Variants in FRMD4B observed in about 807,000 individuals in gnomAD.
FRMD4B encodes the protein FERM domain containing 4B, also known as FERM domain-containing protein 4B.
Under a neutral mutation model 141.5 loss-of-function variants are expected in FRMD4B, and 74 were observed. The ratio of observed to expected loss-of-function variants is 0.52; its 90% CI spans 0.43 to 0.63. The LOEUF is 0.63. Ranked by LOEUF, FRMD4B falls within the 30% of genes least tolerant of loss-of-function variation. FRMD4B has a pLI of 0.00. For missense variants in FRMD4B, 1,366 were observed against 1,253.4 expected, an observed-to-expected ratio of 1.09 and a Z score of -1.36; for synonymous variants, 506 against 467.9, an observed-to-expected ratio of 1.08 and a Z score of -1.05.
rs1202165266 is a variant in FRMD4B at position 69,497,847 on chromosome 3, A to C, written c.-129+44359T>G. ...GTGATCCTTCCACCTCAGCCTCCTG[A>C]GTATCTGGGACTACAGGCACATGCC... On this transcript the variant is annotated intron_variant, in intron 1 of 5. Transcript: ENST00000459638. Among the ~76,000 whole-genome samples, 5 of 152,142 alleles carry C rather than the reference A, an allele frequency of 3.3e-5. No individual in the cohort carries two copies. In the East Asian group the frequency reaches 9.7e-4, roughly 29 times the overall value.
At chr3:69,172,043 GACT>G in intron 22 of FRMD4B, 62 bp from the exon 23 acceptor site, 1 of 1,514,616 alleles carries the variant, frequency 6.6e-7, no homozygotes, top group Non-Finnish European at 9.1e-7. Flanking sequence ...ACAGCACAAA[GACT>G]ACTACATTTA....
At chr3:69,304,842 A>G (rs188532303) in intron 3 of FRMD4B, among the ~76,000 whole-genome samples, 17 of 152,334 alleles carry the variant, frequency 1.1e-4, no homozygotes, top group African/African-American at 4.1e-4. Context: ...AATAAAATAT[A>G]TAATGGGCCA....
chr3:69,409,697 A>G (rs1559519402), intron 2 of FRMD4B, among the ~76,000 whole-genome samples: 1 of 152,158 alleles, frequency 6.6e-6, no homozygotes, highest in African/African-American at 2.4e-5. Context: ...AACAGAGGGA[A>G]TCTCAGGGCT....
In FRMD4B at chr3:69,506,040, T is replaced by C. The variant is rs537806969; in HGVS notation, c.-129+36166A>G. ...AAAATATTCGCTGAATGCTGGTGAATAGGATGGCTTATGGTGCCCTCACCT... is the reference window on the plus strand; with the variant it reads ...AAAATATTCGCTGAATGCTGGTGAACAGGATGGCTTATGGTGCCCTCACCT... On this transcript the variant is annotated intron_variant, in intron 1 of 5. Coordinates refer to the FRMD4B transcript ENST00000459638. 1.4e-4 allele frequency among the ~76,000 whole-genome samples: 22 copies of C among 152,284 alleles called. No individual in the cohort carries two copies. The South Asian group carries it at 3.9e-3, about 27-fold the overall frequency.
chr3:69,426,568 T>C (rs370446555), intron 2 of FRMD4B, among the ~76,000 whole-genome samples: 26 of 152,316 alleles, frequency 1.7e-4, no homozygotes, highest in African/African-American at 5.8e-4. Flanking sequence ...ATGTCTGTCC[T>C]GGCAGAGGAA....
intron 4 of FRMD4B, among the ~76,000 whole-genome samples, chr3:69,294,931 C>A (rs1163109753): frequency 1.3e-5 from 2 of 152,160 alleles, no homozygotes; most frequent in Admixed American, 1.3e-4. Context: ...TCACCCAGTG[C>A]AAAGGGGAAT....
At chr3:69,459,905 G>A (rs946437589) in intron 1 of FRMD4B, among the ~76,000 whole-genome samples, 2 of 152,078 alleles carry the variant, frequency 1.3e-5, no homozygotes, top group Admixed American at 1.3e-4. Context: ...TATTTAATTA[G>A]TTATCCATTA....
At chr3:69,536,727 G>T in intron 1 of FRMD4B, 1 of 631,324 alleles carries the variant, frequency 1.6e-6, no homozygotes, top group South Asian at 1.7e-5. Context: ...TTATGGTAAG[G>T]ACTTCCTCAG....
intron 1 of FRMD4B, among the ~76,000 whole-genome samples, chr3:69,455,271 G>A (rs1001780062): frequency 3.3e-5 from 5 of 152,236 alleles, no homozygotes; most frequent in Admixed American, 1.3e-4. Context: ...CCACAGCAGT[G>A]ATAGGTTCAG....
At chr3:69,281,445 A>C (rs940961957) in intron 5 of FRMD4B, among the ~76,000 whole-genome samples, 3 of 152,170 alleles carry the variant, frequency 2.0e-5, no homozygotes, top group Non-Finnish European at 4.4e-5. Flanking sequence ...CTTCTTGGGA[A>C]ACAAGTGTTA....
In FRMD4B at chr3:69,395,450, T is replaced by A. The variant is rs561990124; in HGVS notation, c.-1+37184A>T. 3.9e-4 allele frequency among the ~76,000 whole-genome samples: 59 copies of A among 152,276 alleles called. No homozygotes were observed. The South Asian group carries it at 5.8e-3, about 15-fold the overall frequency. On this transcript the variant is annotated intron_variant, in intron 2 of 5. Coordinates refer to the FRMD4B transcript ENST00000459638. ...CAGTGGCTTGCAAAGTATTAAAATA[T>A]CTCAAGGCCGGGTATACTCTGACCA...
chr3:69,517,011 T>C (rs1460247318), intron 1 of FRMD4B, among the ~76,000 whole-genome samples: 1 of 152,168 alleles, frequency 6.6e-6, no homozygotes, highest in Non-Finnish European at 1.5e-5. Flanking sequence ...TTACTGCACA[T>C]TAACCCATTA....
chr3:69,497,611 G>T (rs1189285628), intron 1 of FRMD4B, among the ~76,000 whole-genome samples: 2 of 152,098 alleles, frequency 1.3e-5, no homozygotes, highest in Non-Finnish European at 2.9e-5. Flanking sequence ...CTTCCCCATG[G>T]GATTTTTGTG....
chr3:69,347,956 A>G (rs1427405367), intron 1 of FRMD4B, among the ~76,000 whole-genome samples: 3 of 152,248 alleles, frequency 2.0e-5, no homozygotes, highest in African/African-American at 7.2e-5. Flanking sequence ...TTCAAAAGCT[A>G]GCAGAAGGCA....
chr3:69,471,737 T>C (rs10510980), intron 1 of FRMD4B: 32,758 of 157,200 alleles, frequency 0.21, 3,731 homozygotes, highest in East Asian at 0.41. Context: ...TTGAGTACTT[T>C]TTAGACAAAT....
intron 1 of FRMD4B, among the ~76,000 whole-genome samples, chr3:69,487,146 A>G (rs968396688): frequency 1.4e-4 from 21 of 152,134 alleles, no homozygotes; most frequent in Admixed American, 1.2e-3. Flanking sequence ...AATCTCCACC[A>G]CCTGTACTTG....
At chr3:69,229,440 T>A (rs2093285180) in intron 7 of FRMD4B, among the ~76,000 whole-genome samples, 1 of 152,178 alleles carries the variant, frequency 6.6e-6, no homozygotes, top group Admixed American at 6.5e-5. Flanking sequence ...CCCTTGTGAA[T>A]ATATAACATC....
intron 1 of FRMD4B, among the ~76,000 whole-genome samples, chr3:69,373,724 A>C (rs1703892889): frequency 6.6e-6 from 1 of 152,000 alleles, no homozygotes; most frequent in Admixed American, 6.6e-5. Context: ...AAAATACAAA[A>C]AATTGCTGGG....
chr3:69,337,517 G>A (rs1305981579), intron 1 of FRMD4B, among the ~76,000 whole-genome samples: 1 of 152,124 alleles, frequency 6.6e-6, no homozygotes, highest in Non-Finnish European at 1.5e-5. Flanking sequence ...GAGTGAACAG[G>A]CAACCTACAG....
Sources: gnomAD v4.1 joint callset for allele counts (sites outside exome capture counted in the v4.1 genomes callset) on GRCh38, gnomAD v4.1.1 for gene constraint, MANE v1.5 for transcripts, NCBI Gene and HGNC (gene_info 2026-07-23, HGNC 2026-07-21) for gene names.